Variants in NUAK2 observed in about 807,000 individuals in gnomAD.
NUAK2 encodes NUAK family kinase 2.
NUAK2 carries 20 observed loss-of-function variants against 29.8 expected under a neutral mutation model. The observed-to-expected ratio is 0.67, with a 90% CI of 0.47 to 0.98. The LOEUF (loss-of-function observed/expected upper bound fraction) is 0.98. Ranked by LOEUF, NUAK2 falls within the 50% of genes least tolerant of loss-of-function variation. The probability of loss-of-function intolerance (pLI) is 0.00; values close to 1 mark genes in which losing one functional copy is unlikely to be tolerated. For missense variants in NUAK2, 719 were observed against 834.5 expected (o/e 0.86, Z 1.71); for synonymous variants, 331 against 342.6 (o/e 0.97, Z 0.37).
chr1:205,312,989 C>T (rs1179169600), intron 1 of NUAK2, among the ~76,000 whole-genome samples: 1 of 152,050 alleles, frequency 6.6e-6, no homozygotes, highest in Non-Finnish European at 1.5e-5. Context: ...TATGATCCCA[C>T]TTAAATGAGG....
At position 205,321,636 on chromosome 1, in the gene NUAK2, A is replaced by C. The variant is rs1662421599; in HGVS notation, c.-8T>G. The C allele has an allele frequency of 6.2e-7, 1 of 1,606,186 alleles. No individual in the cohort carries two copies. The highest frequency in any genetic ancestry group is 8.5e-7 in the Non-Finnish European group (1 of 1,178,658). ...GAAAACCAGCGACTCCATGGCGAGC[A>C]GGAGGTGAGCAAGGGCGGCAGGGGA... On this transcript the variant is annotated 5_prime_UTR_variant, in exon 1 of 7. Coordinates refer to ENST00000367157, the MANE Select transcript of NUAK2 (RefSeq NM_030952.3).
chr1:205,315,598 C>T lies in NUAK2; in HGVS notation c.232-3773G>A, dbSNP rs149273894. 3.1e-3 allele frequency among the ~76,000 whole-genome samples: 474 copies of T among 152,254 alleles called. 1 individual carries two copies. The highest frequency in any genetic ancestry group is 4.6e-3 in the Admixed American group (70 of 15,292). ...ATAAAAATATGTTGATTAGGCTGGG[C>T]GCAGTGGCTCATGCCTATAATCTCA... On this transcript the variant is annotated intron_variant, in intron 1 of 6. Coordinates refer to ENST00000367157, the MANE Select transcript of NUAK2 (RefSeq NM_030952.3).
At chr1:205,317,932 G>A (rs532671205) in intron 1 of NUAK2, among the ~76,000 whole-genome samples, 4 of 152,350 alleles carry the variant, frequency 2.6e-5, no homozygotes, top group African/African-American at 9.6e-5. Flanking sequence ...AAAGGGAAGG[G>A]CAGGACTTCA....
rs1181094893 is a variant in NUAK2 at position 205,304,081 on chromosome 1, G to A, written c.1256C>T (p.Ala419Val). Residue 419 changes from alanine to valine, a missense_variant, in exon 7 of 7, where the codon GCA becomes GTA. Physicochemically the swap from Ala to Val is moderately conservative, Grantham distance 64. Coordinates refer to ENST00000367157, the MANE Select transcript of NUAK2 (RefSeq NM_030952.3). The surrounding 1 kb of genome is among the most constrained non-coding windows in gnomAD (Gnocchi z 6.5). ...CGGAGGGTCCTCCTGTACCCCTTCT[G>A]CAGAGGCTGACACCTTCTTCTTGAG... ...GILKKKVSAS[A>V]EGVQEDPPEL... is the part of the protein sequence containing the mutation. 8 of 1,614,078 alleles carry A rather than the reference G, an allele frequency of 5.0e-6. No individual in the cohort carries two copies. Among genetic ancestry groups the A allele is most frequent in the Non-Finnish European group, 5.9e-6 (7 of 1,180,046 alleles).
At chr1:205,317,358 C>G (rs1426974110) in intron 1 of NUAK2, among the ~76,000 whole-genome samples, 3 of 152,152 alleles carry the variant, frequency 2.0e-5, no homozygotes, top group Non-Finnish European at 2.9e-5. Flanking sequence ...TCTCTCTGGC[C>G]TTTTGTGGAG....
intron 1 of NUAK2, among the ~76,000 whole-genome samples, chr1:205,318,725 A>G (rs1662363156): frequency 6.6e-6 from 1 of 152,220 alleles, no homozygotes; most frequent in Non-Finnish European, 1.5e-5. Flanking sequence ...AGGGGTGGCC[A>G]GGGGAGCTGG....
At chr1:205,310,271 CTCA>C (rs140176688) in intron 2 of NUAK2, among the ~76,000 whole-genome samples, 2,624 of 152,298 alleles carry the variant, frequency 0.017, 87 homozygotes, top group African/African-American at 0.06. Context: ...CCCTATGGCT[CTCA>C]TCATCTCTGC....
At chr1:205,311,625 T>C in intron 2 of NUAK2, 80 bp downstream of exon 2, 2 of 1,547,920 alleles carry the variant, frequency 1.3e-6, no homozygotes, top group Non-Finnish European at 1.8e-6. Flanking sequence ...TTGTTTCTTC[T>C]GACACATGTA....
rs2275868 is a variant in NUAK2 at position 205,308,653 on chromosome 1, C to T, written c.432G>A (p.Arg144=). ...RGDLYDYISE[R]QQLSEREARH... ...TAGCTTCGCGCTCACTGAGCTGCTG[C>T]CGCTCGCTGATGTAGTCATAAAGGT... Residue 144 remains arginine, a synonymous_variant, in exon 3 of 7, where the codon CGG becomes CGA. Transcript: ENST00000367157. This position sits in a 1 kb window ranked among gnomAD's most constrained non-coding sequence, Gnocchi z 4.1. 0.028 allele frequency: 45,601 copies of T among 1,614,040 alleles called. 1,222 individuals are homozygous for T. Among genetic ancestry groups the T allele is most frequent in the East Asian group, 0.1 (4,559 of 44,854 alleles).
rs534097029 is a variant in NUAK2 at position 205,321,503 on chromosome 1, C to T, written c.126G>A (p.Arg42=). The T allele has an allele frequency of 8.7e-6, 14 of 1,614,000 alleles. No individual in the cohort carries two copies. The East Asian group carries it at 2.0e-4, about 23-fold the overall frequency. The change falls in exon 1 of 7, where the codon CGG becomes CGA. Residue 42 remains arginine, a synonymous_variant. Coordinates refer to ENST00000367157, the MANE Select transcript of NUAK2 (RefSeq NM_030952.3). ...KPLMKKQAVK[R]HHHKHNLRHR... ...GCCGCAGGTTGTGCTTGTGGTGGTG[C>T]CGCTTCACCGCCTGCTTCTTCATTA... is the stretch of plus-strand genomic sequence containing the variant.
Position 205,303,378 on chromosome 1 carries a change from A to G in NUAK2, c.*72T>C. On this transcript the variant is annotated 3_prime_UTR_variant, in exon 7 of 7. Transcript: ENST00000367157. ...ATGCAGGTCCTGGGAGGTGGGGGAGAAGGCATCTCCCCTCGGGGTGCAACC... is the reference window on the plus strand; with the variant it reads ...ATGCAGGTCCTGGGAGGTGGGGGAGGAGGCATCTCCCCTCGGGGTGCAACC... The G allele has an allele frequency of 7.5e-7, 1 of 1,341,252 alleles. No individual in the cohort carries two copies. Among genetic ancestry groups the G allele is most frequent in the Non-Finnish European group, 1.0e-6 (1 of 986,300 alleles). 83.1% of individuals were successfully genotyped at this position (1,341,252 alleles called of 1,614,324 possible).
At chr1:205,320,784 G>C (rs2102262891) in intron 1 of NUAK2, among the ~76,000 whole-genome samples, 1 of 152,258 alleles carries the variant, frequency 6.6e-6, no homozygotes, top group South Asian at 2.1e-4. Context: ...CCCCCAAACC[G>C]AAAGGTGTCT....
chr1:205,309,285 A>G (rs1422876842), intron 2 of NUAK2, among the ~76,000 whole-genome samples: 1 of 152,144 alleles, frequency 6.6e-6, no homozygotes, highest in East Asian at 1.9e-4. Context: ...AAGCTGGTAT[A>G]GGTCTGACAT....
intron 1 of NUAK2, among the ~76,000 whole-genome samples, chr1:205,313,881 T>C (rs955439299): frequency 4.6e-5 from 7 of 152,166 alleles, no homozygotes; most frequent in Non-Finnish European, 7.4e-5. Context: ...CTTCCTCTTA[T>C]GGGGGTAGGC....
At position 205,311,742 on chromosome 1, in the gene NUAK2, T is replaced by C. The variant is rs757859992; in HGVS notation, c.315A>G (p.Ser105=). ...MHIRREIEIM[S]SLNHPHIIAI... is the part of the protein sequence containing the mutation. ...CAATGATGTGAGGGTGGTTGAGTGA[T>C]GACATGATCTCAATCTCCCTCCGTA... is the stretch of plus-strand genomic sequence containing the variant. Residue 105 remains serine, a synonymous_variant, in exon 2 of 7, where the codon TCA becomes TCG. Transcript: ENST00000367157. 14 of 1,614,218 alleles carry C rather than the reference T, an allele frequency of 8.7e-6. No homozygotes were observed. The highest frequency in any genetic ancestry group is 1.7e-5 in the Admixed American group (1 of 60,028).
intron 2 of NUAK2, among the ~76,000 whole-genome samples, chr1:205,310,961 T>C (rs1662250333): frequency 6.6e-6 from 1 of 152,228 alleles, no homozygotes; most frequent in East Asian, 1.9e-4. Flanking sequence ...AGGGCAGAGT[T>C]ACAGTCTCCC....
chr1:205,315,428 A>C (rs114893228), intron 1 of NUAK2, among the ~76,000 whole-genome samples: 1 of 152,264 alleles, frequency 6.6e-6, no homozygotes, highest in African/African-American at 2.4e-5. Context: ...TGGGCTGATG[A>C]CCTTTGACTG....
Position 205,303,600 on chromosome 1 carries a change from C to T in NUAK2, c.1737G>A (p.Gly579=), listed in dbSNP as rs779282241. Residue 579 remains glycine (G), a synonymous_variant, in exon 7 of 7, where the codon GGG becomes GGA. Coordinates refer to ENST00000367157, the MANE Select transcript of NUAK2 (RefSeq NM_030952.3). ...GGCCCTCTGAGGGGGGCTCCTCAAG[C>T]CCCGTGAGGTTGTCCACAGACACAC... is the stretch of plus-strand genomic sequence containing the variant. ...RGCVSVDNLT[G]LEEPPSEGPG... 1 of 1,611,958 alleles carries T rather than the reference C, an allele frequency of 6.2e-7. No homozygotes were observed. The highest frequency in any genetic ancestry group is 1.1e-5 in the South Asian group (1 of 90,860).
In NUAK2 at chr1:205,308,530, A is replaced by T. The variant is rs758750335; in HGVS notation, c.504+51T>A. On this transcript the variant is annotated intron_variant, in intron 3 of 6. Coordinates refer to ENST00000367157, the MANE Select transcript of NUAK2 (RefSeq NM_030952.3). The surrounding 1 kb of genome is among the most constrained non-coding windows in gnomAD (Gnocchi z 4.1). ...CCTCTCTGGTCCAAAACAGCCCTAGAGCCCTGGGGACCACCCACTGAGAAT... is the reference window on the plus strand; with the variant it reads ...CCTCTCTGGTCCAAAACAGCCCTAGTGCCCTGGGGACCACCCACTGAGAAT... 2.5e-6 allele frequency: 4 copies of T among 1,589,372 alleles called. No individual in the cohort carries two copies.
Sources: gnomAD v4.1 joint callset for allele counts (sites outside exome capture counted in the v4.1 genomes callset) on GRCh38, gnomAD v4.1.1 for gene constraint, Gnocchi (gnomAD v3.1) non-coding constraint, MANE v1.5 for transcripts, NCBI Gene and HGNC (gene_info 2026-07-23, HGNC 2026-07-21) for gene names.